Variants in PARP10 observed in about 807,000 individuals in gnomAD.
PARP10 encodes the protein poly(ADP-ribose) polymerase family member 10.
PARP10 carries 56 observed loss-of-function variants against 82.4 expected under a neutral mutation model. That is an observed-to-expected ratio of 0.68 (90% CI 0.55 to 0.85). The LOEUF is 0.85. Among genes scored for constraint, PARP10 ranks in the 40% least tolerant of loss-of-function variants. PARP10 has a pLI of 0.00. For missense variants in PARP10, 1,227 were observed against 1,379.4 expected (o/e 0.89, Z 1.75); for synonymous variants, 576 against 601.1 (o/e 0.96, Z 0.61).
rs557169502 is a variant in PARP10 at position 144,008,560 on chromosome 8, C to T, written c.-80+3970G>A. Among the ~76,000 whole-genome samples the T allele has an allele frequency of 2.6e-5, 4 of 152,288 alleles. No individual in the cohort carries two copies. Among genetic ancestry groups the T allele is most frequent in the African/African-American group, 4.8e-5 (2 of 41,552 alleles). On this transcript the variant is annotated intron_variant, in intron 1 of 3. Transcript: ENST00000530478. This position sits in a 1 kb window ranked among gnomAD's most constrained non-coding sequence, Gnocchi z 4.0. ...TGAGCCCCTAACGGGCCGGGAGGAG[C>T]GCAAACCCCGAGTGCACCCCAGGAG... is the stretch of plus-strand genomic sequence containing the variant.
intron 1 of PARP10, among the ~76,000 whole-genome samples, chr8:143,999,588 G>C (rs1834186572): frequency 6.6e-6 from 1 of 151,730 alleles, no homozygotes. Flanking sequence ...CTGGCCTCAA[G>C]CAATCCTCTT....
upstream of PARP10, chr8:143,993,078 G>A: frequency 7.6e-6 from 4 of 527,460 alleles, no homozygotes; most frequent in South Asian, 2.2e-5. Context: ...CCAAGGCCAC[G>A]TTTCCGTGCC....
At chr8:143,992,569 G>T, upstream of PARP10, 1 of 1,614,194 alleles carries the variant, frequency 6.2e-7, no homozygotes, top group Non-Finnish European at 8.5e-7. Context: ...GCATCCTGGA[G>T]ATCGTGTACG....
rs782378617 is a variant in PARP10, at chr8:143,978,010, G to A, written c.2628C>T (p.Cys876=). Reference sequence around the variant, plus strand: ...GCACCTGCTCCACCGGGCGCCGCTCGCATCGCTGCAGCAGGCGCTCCCGGT... The same window carrying A: ...GCACCTGCTCCACCGGGCGCCGCTCACATCGCTGCAGCAGGCGCTCCCGGT... The part of the protein sequence containing the change: ...ELYRERLLQR[C]ERRPVEQVLY... Residue 876 remains cysteine (C), a synonymous_variant, in exon 10 of 11, where the codon TGC becomes TGT. Coordinates refer to ENST00000313028, the MANE Select transcript of PARP10 (RefSeq NM_032789.5). 1 of 1,587,506 alleles carries A rather than the reference G, an allele frequency of 6.3e-7. No homozygotes were observed. Among genetic ancestry groups the A allele is most frequent in the Non-Finnish European group, 8.5e-7 (1 of 1,173,166 alleles).
chr8:143,992,662 C>T (rs373621085), upstream of PARP10: 10 of 1,613,736 alleles, frequency 6.2e-6, no homozygotes, highest in Admixed American at 1.7e-4. Flanking sequence ...GCAGGCTTGT[C>T]CCTCAACACC....
intron 9 of PARP10, among the ~76,000 whole-genome samples, chr8:143,980,115 A>T (rs1418076010): frequency 6.6e-6 from 1 of 150,422 alleles, no homozygotes; most frequent in African/African-American, 2.5e-5. Flanking sequence ...AGGTCAGGAG[A>T]TTGAGACCAT....
intron 1 of PARP10, among the ~76,000 whole-genome samples, chr8:144,000,873 C>T (rs1186856932): frequency 6.6e-6 from 1 of 151,168 alleles, no homozygotes; most frequent in Non-Finnish European, 1.5e-5. Context: ...GTGGTGAGAC[C>T]TCATCTCTAC....
At chr8:143,998,022 GGTT>G (rs1372676670) in intron 1 of PARP10, among the ~76,000 whole-genome samples, 1 of 151,998 alleles carries the variant, frequency 6.6e-6, no homozygotes. Context: ...CAAACTCCTG[GGTT>G]CAAGCGATCC....
upstream of PARP10, chr8:143,991,310 GC>G: frequency 4.3e-6 from 6 of 1,391,516 alleles, no homozygotes; most frequent in Admixed American, 2.3e-5. Flanking sequence ...AGCCACCCAT[GC>G]CCCCCTATGC....
At chr8:143,991,836 C>G (rs67714660), upstream of PARP10, 677,306 of 1,606,236 alleles carry the variant, frequency 0.42, 147,389 homozygotes, top group African/African-American at 0.61. Flanking sequence ...GCGGTGGGGG[C>G]TGTGGCTCCC....
intron 1 of PARP10, among the ~76,000 whole-genome samples, chr8:144,002,328 T>G (rs991927725): frequency 6.6e-6 from 1 of 152,102 alleles, no homozygotes; most frequent in African/African-American, 2.4e-5. Flanking sequence ...GTAGGAGGAT[T>G]GCTTCAGCCC....
intron 1 of PARP10, among the ~76,000 whole-genome samples, chr8:144,000,562 G>A (rs1178632601): frequency 2.6e-5 from 4 of 152,026 alleles, no homozygotes; most frequent in African/African-American, 7.2e-5. Flanking sequence ...CCTGGGAGGC[G>A]GAGCTTGCAG....
At chr8:143,993,258 C>T (rs985502636), upstream of PARP10, 1 of 238,768 alleles carries the variant, frequency 4.2e-6, no homozygotes, top group Admixed American at 5.2e-5. Context: ...CTCCCCCCCA[C>T]CCCCCTGGAG....
At chr8:143,998,916 C>G (rs1554751459) in intron 1 of PARP10, among the ~76,000 whole-genome samples, 1 of 151,474 alleles carries the variant, frequency 6.6e-6, no homozygotes, top group African/African-American at 2.4e-5. Flanking sequence ...CACCTCTGTA[C>G]TCTAGCCTGG....
upstream of PARP10, among the ~76,000 whole-genome samples, chr8:143,993,749 C>A (rs1241541075): frequency 2.0e-5 from 3 of 152,226 alleles, no homozygotes; most frequent in African/African-American, 7.2e-5. Flanking sequence ...CATTGGCCTG[C>A]CCCAGGGCAG....
At position 143,983,328 on chromosome 8, in the gene PARP10, A is replaced by G; in HGVS notation, c.2261T>C (p.Leu754Pro). 1 of 1,611,374 alleles carries G rather than the reference A, an allele frequency of 6.2e-7. No homozygotes were observed. Among genetic ancestry groups the G allele is most frequent in the Non-Finnish European group, 8.5e-7 (1 of 1,179,506 alleles). ...AACACTCACACCATGGCACCGCTCC[A>G]GGCGAGCACGCAGCTCTGCAGGCAG... The part of the protein sequence containing the change: ...RTLPAELRAR[L>P]ERCHGVSVAL... Residue 754 changes from leucine (L) to proline (P), a missense_variant, in exon 8 of 11, where the codon CTG (leucine) becomes CCG (proline). Physicochemically the swap from Leu to Pro is moderately conservative, Grantham distance 98. Transcript: ENST00000313028.
At chr8:144,010,954 G>T (rs1834276663) in intron 1 of PARP10, among the ~76,000 whole-genome samples, 1 of 151,986 alleles carries the variant, frequency 6.6e-6, no homozygotes, top group Non-Finnish European at 1.5e-5. Flanking sequence ...TTGTTCAACT[G>T]AATGGATGAG....
At chr8:144,001,038 C>T (rs994657600) in intron 1 of PARP10, among the ~76,000 whole-genome samples, 1 of 151,044 alleles carries the variant, frequency 6.6e-6, no homozygotes, top group Non-Finnish European at 1.5e-5. Context: ...CTCAGCCTCT[C>T]GAGTAGCTGG....
At position 143,983,220 on chromosome 8, in the gene PARP10, G is replaced by A; in HGVS notation, c.2369C>T (p.Ala790Val). 6.2e-7 allele frequency: 1 copy of A among 1,613,732 alleles called. No homozygotes were observed. Among genetic ancestry groups the A allele is most frequent in the Non-Finnish European group, 8.5e-7 (1 of 1,179,990 alleles). Residue 790 changes from alanine to valine, a missense_variant, in exon 8 of 11, where the codon GCT becomes GTT. Physicochemically the swap from Ala to Val is moderately conservative, Grantham distance 64. Transcript: ENST00000313028. The stretch of plus-strand genomic sequence containing the variant: ...GGCCAAACTCTGATCCCAGGGGCCA[G>A]CCAGAAGTGCCACCAAGTGGCGGGC... Reference protein sequence around the residue: ...RAARHLVALLAGPWDQSLAFP... With the variant: ...RAARHLVALLVGPWDQSLAFP...
Sources: allele counts gnomAD v4.1 joint callset (sites outside exome capture counted in the v4.1 genomes callset), GRCh38; gene constraint gnomAD v4.1.1; non-coding constraint Gnocchi (gnomAD v3.1); transcripts MANE v1.5; gene names NCBI Gene and HGNC (gene_info 2026-07-23, HGNC 2026-07-21).